ARHGAP15: variants seen among roughly 807,000 people sequenced by gnomAD.
ARHGAP15 encodes the protein Rho GTPase activating protein 15, also known as rho GTPase-activating protein 15.
In ARHGAP15, 51 loss-of-function variants were observed where a neutral mutation model predicts 63.7. The ratio of observed to expected loss-of-function variants is 0.80; its 90% CI spans 0.64 to 1.01. The LOEUF (loss-of-function observed/expected upper bound fraction) is 1.01. Ranked by LOEUF, ARHGAP15 falls within the 50% of genes least tolerant of loss-of-function variation. The pLI is 0.00. For synonymous variants in ARHGAP15, 191 were observed against 193.8 expected, an observed-to-expected ratio of 0.99 and a Z score of 0.12; for missense variants, 560 against 564.6, an observed-to-expected ratio of 0.99 and a Z score of 0.08.
At chr2:143,134,104 AATCTATCTATCTATCTATCT>A (rs70982842) in intron 1 of ARHGAP15, among the ~76,000 whole-genome samples, 1,415 of 141,338 alleles carry the variant, frequency 0.01, 13 homozygotes, top group Middle Eastern at 0.021. Context: ...TCTATTTGAA[AATCTATCTATCTATCTATCT>A]ATCTATCTAT....
chr2:143,163,858 A>C (rs559254374), intron 2 of ARHGAP15, among the ~76,000 whole-genome samples: 1 of 152,150 alleles, frequency 6.6e-6, no homozygotes, highest in Non-Finnish European at 1.5e-5. Context: ...GACACCTTCG[A>C]AGGCAAGCCT....
At chr2:143,130,990 C>T (rs7608650) in intron 1 of ARHGAP15, among the ~76,000 whole-genome samples, 37,224 of 151,872 alleles carry the variant, frequency 0.25, 4,916 homozygotes, top group East Asian at 0.46. Flanking sequence ...ATACTTACAC[C>T]TTAGCAAGAA....
At chr2:143,369,297 A>G (rs1300326792) in intron 6 of ARHGAP15, among the ~76,000 whole-genome samples, 1 of 152,088 alleles carries the variant, frequency 6.6e-6, no homozygotes, top group Admixed American at 6.6e-5. Flanking sequence ...TTTATCTTAA[A>G]TTATGGTTCT....
At chr2:143,210,247 C>T (rs1574095027) in intron 3 of ARHGAP15, among the ~76,000 whole-genome samples, 1 of 151,956 alleles carries the variant, frequency 6.6e-6, no homozygotes, top group African/African-American at 2.4e-5. Flanking sequence ...TAGTAAAAGC[C>T]TCCAGAAGAC....
At chr2:143,445,334 T>C (rs932633254) in intron 8 of ARHGAP15, among the ~76,000 whole-genome samples, 1 of 151,818 alleles carries the variant, frequency 6.6e-6, no homozygotes, top group African/African-American at 2.4e-5. Context: ...GGCTAATTTT[T>C]GTATTTTTAG....
At chr2:143,174,442 T>A (rs73962361) in intron 2 of ARHGAP15, among the ~76,000 whole-genome samples, 5,059 of 152,070 alleles carry the variant, frequency 0.033, 197 homozygotes, top group South Asian at 0.11. Flanking sequence ...TAATTTTTTT[T>A]AAAAAAAGAA....
intron 8 of ARHGAP15, among the ~76,000 whole-genome samples, chr2:143,446,087 T>C (rs948278192): frequency 1.3e-5 from 2 of 150,692 alleles, no homozygotes; most frequent in East Asian, 3.9e-4. Context: ...TATACAGCCA[T>C]ATGACTTTGA....
intron 10 of ARHGAP15, among the ~76,000 whole-genome samples, chr2:143,533,689 T>C (rs1694620385): frequency 6.6e-6 from 1 of 152,202 alleles, no homozygotes; most frequent in South Asian, 2.1e-4. Context: ...ATGCTGTGTT[T>C]CCAAGCTTGG....
chr2:143,222,226 T>C (rs541871863), intron 4 of ARHGAP15, among the ~76,000 whole-genome samples: 1 of 152,358 alleles, frequency 6.6e-6, no homozygotes, highest in African/African-American at 2.4e-5. Flanking sequence ...TAACAGTGTC[T>C]GAGTGATTTT....
chr2:143,692,933 T>TC (rs1318443758), intron 12 of ARHGAP15, among the ~76,000 whole-genome samples: 5 of 152,172 alleles, frequency 3.3e-5, no homozygotes, highest in Non-Finnish European at 5.9e-5. Context: ...GATATTTTTT[T>TC]CCCCTTCAAG....
chr2:143,363,098 A>G (rs1686134215), intron 6 of ARHGAP15, among the ~76,000 whole-genome samples: 1 of 152,206 alleles, frequency 6.6e-6, no homozygotes, highest in African/African-American at 2.4e-5. Flanking sequence ...TATTCTCTGC[A>G]TCATTCAACC....
chr2:143,536,784 T>C (rs1481846518), intron 10 of ARHGAP15, among the ~76,000 whole-genome samples: 1 of 151,804 alleles, frequency 6.6e-6, no homozygotes, highest in Non-Finnish European at 1.5e-5. Context: ...TGTTGGACAT[T>C]TGGGTTGGTT....
intron 11 of ARHGAP15, among the ~76,000 whole-genome samples, chr2:143,578,149 C>T (rs559096068): frequency 8.5e-4 from 130 of 152,216 alleles, no homozygotes; most frequent in Non-Finnish European, 1.6e-3. Flanking sequence ...GTCCAAGTTA[C>T]GTTGGTTTGC....
chr2:143,238,784 G>T (rs184944441), intron 5 of ARHGAP15, among the ~76,000 whole-genome samples: 1 of 152,274 alleles, frequency 6.6e-6, no homozygotes, highest in African/African-American at 2.4e-5. Context: ...CAAAGACATG[G>T]AATCAACCTA....
At chr2:143,247,688 C>T (rs987931054) in intron 5 of ARHGAP15, among the ~76,000 whole-genome samples, 36 of 152,058 alleles carry the variant, frequency 2.4e-4, no homozygotes, top group African/African-American at 8.7e-4. Context: ...CTCCCTTATC[C>T]CTGGAGTTCA....
intron 11 of ARHGAP15, among the ~76,000 whole-genome samples, chr2:143,597,137 AT>A (rs111736605): frequency 0.052 from 7,846 of 152,084 alleles, 711 homozygotes; most frequent in African/African-American, 0.18. Context: ...TACTAACTGG[AT>A]TGAAAGCATA....
At chr2:143,250,426 C>A in intron 5 of ARHGAP15, 85 bp from the exon 6 acceptor site, 4 of 1,027,748 alleles carry the variant, frequency 3.9e-6, no homozygotes, top group South Asian at 1.4e-5. Flanking sequence ...ATATGTATAG[C>A]TGCTAACTCA....
At chr2:143,686,137 G>T (rs544782873) in intron 12 of ARHGAP15, among the ~76,000 whole-genome samples, 2 of 151,996 alleles carry the variant, frequency 1.3e-5, no homozygotes, top group Non-Finnish European at 2.9e-5. Flanking sequence ...GGCCTGGCGC[G>T]GTAGCTCACG....
chr2:143,663,977 C>G (rs1161938839), intron 12 of ARHGAP15, among the ~76,000 whole-genome samples: 2 of 151,658 alleles, frequency 1.3e-5, no homozygotes, highest in African/African-American at 4.8e-5. Flanking sequence ...ACTTTAACAC[C>G]CCACTGTCAA....
Sources: gnomAD v4.1 joint callset for allele counts (sites outside exome capture counted in the v4.1 genomes callset) on GRCh38, gnomAD v4.1.1 for gene constraint, MANE v1.5 for transcripts, NCBI Gene and HGNC (gene_info 2026-07-23, HGNC 2026-07-21) for gene names.